MAGI2: variants seen among roughly 807,000 people sequenced by gnomAD.
MAGI2 encodes the protein membrane associated guanylate kinase, WW and PDZ domain containing 2, also known as membrane-associated guanylate kinase, WW and PDZ domain-containing protein 2.
MAGI2 carries 35 observed loss-of-function variants against 133.3 expected under a neutral mutation model. The ratio of observed to expected loss-of-function variants is 0.26; its 90% CI spans 0.20 to 0.35. The LOEUF is 0.35. MAGI2 is among the 10% of genes least tolerant of loss of function. MAGI2 has a pLI of 1.00. For missense variants in MAGI2, 1,636 were observed against 1,863.4 expected (o/e 0.88, Z 2.25); for synonymous variants, 729 against 710.6 (o/e 1.03, Z -0.41).
At position 78,755,293 on chromosome 7, in the gene MAGI2, T is replaced by C. The variant is rs149939173; in HGVS notation, c.419-128054A>G. ...TCTAGTTTGGCCTCAGTGGTAACTA[T>C]GGCAGCTTAGGAAAATCATTTGGTT... On this transcript the variant is annotated intron_variant, in intron 2 of 21. Coordinates refer to ENST00000354212, the MANE Select transcript of MAGI2 (RefSeq NM_012301.4). Among the ~76,000 whole-genome samples the C allele has an allele frequency of 8.2e-3, 1,255 of 152,300 alleles. 11 individuals carry two copies. The highest frequency in any genetic ancestry group is 0.012 in the Non-Finnish European group (806 of 68,014).
intron 2 of MAGI2, among the ~76,000 whole-genome samples, chr7:78,706,872 A>AG (rs1347089984): frequency 1.3e-5 from 2 of 152,086 alleles, no homozygotes; most frequent in Admixed American, 6.6e-5. Flanking sequence ...GGGAAAAAAA[A>AG]GAACACCGTG....
At chr7:78,317,153 C>G (rs1201172389) in intron 9 of MAGI2, among the ~76,000 whole-genome samples, 1 of 152,152 alleles carries the variant, frequency 6.6e-6, no homozygotes, top group African/African-American at 2.4e-5. Context: ...CAGGCTGATT[C>G]CCCATTCCAT....
intron 1 of MAGI2, among the ~76,000 whole-genome samples, chr7:79,084,674 G>T (rs1199020730): frequency 6.6e-6 from 1 of 151,708 alleles, no homozygotes; most frequent in African/African-American, 2.4e-5. Context: ...TAATGATAGT[G>T]AGTCATTCTG....
intron 2 of MAGI2, among the ~76,000 whole-genome samples, chr7:78,852,235 T>C (rs2151482175): frequency 6.6e-6 from 1 of 152,248 alleles, no homozygotes; most frequent in East Asian, 1.9e-4. Flanking sequence ...TTTGTCTACC[T>C]ATATTCCAAC....
At chr7:78,788,445 A>T (rs1827008619) in intron 2 of MAGI2, among the ~76,000 whole-genome samples, 1 of 151,934 alleles carries the variant, frequency 6.6e-6, no homozygotes, top group Non-Finnish European at 1.5e-5. Context: ...TATCCTTCAT[A>T]TCCTAACTTT....
chr7:78,465,636 A>G (rs1431574647), intron 6 of MAGI2, among the ~76,000 whole-genome samples: 1 of 151,988 alleles, frequency 6.6e-6, no homozygotes, highest in Non-Finnish European at 1.5e-5. Context: ...GACCTGATAA[A>G]TAGTTTCTTT....
chr7:78,447,627 C>A lies in MAGI2; in HGVS notation c.1045+42134G>T, dbSNP rs188583006. On this transcript the variant is annotated intron_variant, in intron 6 of 21. Coordinates refer to ENST00000354212, the MANE Select transcript of MAGI2 (RefSeq NM_012301.4). ...TGACATTTGGGCAAGTTGACTAGCT[C>A]ACCTGGGGACACAAACAGAGCAAAA... Among the ~76,000 whole-genome samples, 823 of 152,126 alleles carry A rather than the reference C, an allele frequency of 5.4e-3. 5 individuals are homozygous for A. Among genetic ancestry groups the A allele is most frequent in the Non-Finnish European group, 9.5e-3 (643 of 67,972 alleles).
chr7:78,180,490 T>A (rs1827087625), intron 13 of MAGI2, among the ~76,000 whole-genome samples: 1 of 152,232 alleles, frequency 6.6e-6, no homozygotes, highest in Admixed American at 6.5e-5. Context: ...TTTTCTTTAA[T>A]GAATAACTTA....
intron 1 of MAGI2, among the ~76,000 whole-genome samples, chr7:79,226,306 C>T (rs1392219280): frequency 6.6e-6 from 1 of 152,032 alleles, no homozygotes; most frequent in Non-Finnish European, 1.5e-5. Flanking sequence ...TCAGTCCTTC[C>T]ATTTTAGAGT....
intron 2 of MAGI2, among the ~76,000 whole-genome samples, chr7:78,683,349 G>C (rs544927650): frequency 6.6e-6 from 1 of 152,260 alleles, no homozygotes; most frequent in South Asian, 2.1e-4. Context: ...ATACATGTCA[G>C]GAGACTTGGT....
intron 3 of MAGI2, among the ~76,000 whole-genome samples, chr7:78,549,247 G>C (rs1299835563): frequency 6.6e-6 from 1 of 152,058 alleles, no homozygotes; most frequent in East Asian, 1.9e-4. Flanking sequence ...TCCCAGCTAG[G>C]CTATGGTGTT....
intron 6 of MAGI2, among the ~76,000 whole-genome samples, chr7:78,443,657 C>T (rs559577755): frequency 3.3e-5 from 5 of 152,146 alleles, no homozygotes; most frequent in African/African-American, 1.2e-4. Flanking sequence ...CACTAGGTAT[C>T]TTCTGACCTG....
At chr7:79,285,374 G>T (rs1835924694) in intron 1 of MAGI2, among the ~76,000 whole-genome samples, 1 of 152,014 alleles carries the variant, frequency 6.6e-6, no homozygotes, top group African/African-American at 2.4e-5. Context: ...TACTGATTGT[G>T]CATGTCTGCT....
At chr7:78,360,778 C>A (rs986955460) in intron 7 of MAGI2, among the ~76,000 whole-genome samples, 2 of 152,204 alleles carry the variant, frequency 1.3e-5, no homozygotes, top group African/African-American at 4.8e-5. Flanking sequence ...CTGCAACTCT[C>A]TTAATCAACA....
intron 21 of MAGI2, among the ~76,000 whole-genome samples, chr7:78,049,434 C>T (rs2151104215): frequency 6.6e-6 from 1 of 152,334 alleles, no homozygotes; most frequent in South Asian, 2.1e-4. Flanking sequence ...CTTAGTGCTC[C>T]TACCTTGGCT....
chr7:79,281,885 C>T (rs1835670766), intron 1 of MAGI2, among the ~76,000 whole-genome samples: 1 of 152,082 alleles, frequency 6.6e-6, no homozygotes, highest in Non-Finnish European at 1.5e-5. Flanking sequence ...AAAAATTAAT[C>T]AGCTTCCCAC....
chr7:78,035,188 A>C (rs1267294200), intron 21 of MAGI2: 1 of 153,492 alleles, frequency 6.5e-6, no homozygotes, highest in African/African-American at 2.4e-5. Flanking sequence ...TGAGATGAGG[A>C]GCCACGGTGG....
chr7:78,532,559 C>T (rs138991523), intron 3 of MAGI2, among the ~76,000 whole-genome samples: 12 of 152,240 alleles, frequency 7.9e-5, no homozygotes, highest in Non-Finnish European at 1.2e-4. Context: ...TAAAGCACTT[C>T]GACTTTATAT....
chr7:79,086,995 G>C (rs1036877908), intron 1 of MAGI2, among the ~76,000 whole-genome samples: 4 of 151,586 alleles, frequency 2.6e-5, no homozygotes, highest in Middle Eastern at 6.8e-3. Flanking sequence ...AAATAAAAGA[G>C]TTATTTGTTA....
Sources: gnomAD v4.1 joint callset for allele counts (sites outside exome capture counted in the v4.1 genomes callset) on GRCh38, gnomAD v4.1.1 for gene constraint, MANE v1.5 for transcripts, NCBI Gene and HGNC (gene_info 2026-07-23, HGNC 2026-07-21) for gene names.